The following HIVEP3 variants were observed in gnomAD, a reference collection of about 807,000 sequenced individuals.
HIVEP3 encodes transcription factor HIVEP3.
In HIVEP3, 49 loss-of-function variants were observed where a neutral mutation model predicts 152.8. The ratio of observed to expected loss-of-function variants is 0.32; its 90% CI spans 0.26 to 0.41. The LOEUF (loss-of-function observed/expected upper bound fraction) is 0.41. Among genes scored for constraint, HIVEP3 ranks in the 10% least tolerant of loss-of-function variants. HIVEP3 has a pLI of 1.00. For synonymous variants in HIVEP3, 1,269 were observed against 1,289.0 expected (o/e 0.98, Z 0.33); for missense variants, 2,790 against 3,103.3 (o/e 0.90, Z 2.40).
rs150451296 is a variant in HIVEP3 at position 41,788,879 on chromosome 1, C to A, written c.-800-87884G>T. On this transcript the variant is annotated intron_variant, in intron 1 of 8. Transcript: ENST00000372583. ...CAACTTGCTTGGTAGCTGAGCCCAG[C>A]TTTCTTCCCTCTGAGGCCAAATCCT... Among the ~76,000 whole-genome samples the A allele has an allele frequency of 2.4e-3, 365 of 152,356 alleles. 3 individuals are homozygous for A. Among genetic ancestry groups the A allele is most frequent in the East Asian group, 0.021 (107 of 5,184 alleles).
At chr1:41,979,946 G>T (rs548452574) in intron 1 of HIVEP3, among the ~76,000 whole-genome samples, 1 of 152,200 alleles carries the variant, frequency 6.6e-6, no homozygotes. Context: ...ACTTGCATTT[G>T]GGGAGCAGAA....
chr1:42,028,027 T>G (rs1162273675), intron 1 of HIVEP3, among the ~76,000 whole-genome samples: 1 of 152,198 alleles, frequency 6.6e-6, no homozygotes, highest in Non-Finnish European at 1.5e-5. Context: ...GCTTACTTTT[T>G]CACTTAATTT....
chr1:41,699,080 C>T (rs1028979728), intron 2 of HIVEP3, among the ~76,000 whole-genome samples: 2 of 152,226 alleles, frequency 1.3e-5, no homozygotes, highest in African/African-American at 4.8e-5. Context: ...TCACAGGTGG[C>T]TCTAGGCCAG....
Position 41,602,183 on chromosome 1 carries a change from A to T in HIVEP3, c.-521-16865T>A, listed in dbSNP as rs937509746. Among the ~76,000 whole-genome samples the T allele has an allele frequency of 2.0e-5, 3 of 151,234 alleles. No homozygotes were observed. In the East Asian group the frequency reaches 5.8e-4, roughly 29 times the overall value. On this transcript the variant is annotated intron_variant, in intron 3 of 8. Transcript: ENST00000372583. ...AGGATTTTTGCATCTATATTCATTA[A>T]GAATATTAGCCTGTAGTTTTCTTTT...
intron 1 of HIVEP3, among the ~76,000 whole-genome samples, chr1:41,734,196 A>G (rs898321663): frequency 6.6e-6 from 1 of 152,080 alleles, no homozygotes; most frequent in Non-Finnish European, 1.5e-5. Flanking sequence ...TGCTGCACTG[A>G]GTGGATGGTG....
intron 1 of HIVEP3, among the ~76,000 whole-genome samples, chr1:41,757,313 T>G (rs1384142771): frequency 6.6e-6 from 1 of 151,806 alleles, no homozygotes; most frequent in East Asian, 1.9e-4. Context: ...GAGACGGAGT[T>G]TCACCATGTT....
At chr1:41,826,229 A>G (rs1417392023) in intron 1 of HIVEP3, among the ~76,000 whole-genome samples, 1 of 152,172 alleles carries the variant, frequency 6.6e-6, no homozygotes, top group Non-Finnish European at 1.5e-5. Flanking sequence ...TCTCTTGTAT[A>G]TAGGTCACTG....
At chr1:41,896,817 G>A (rs1644536449) in intron 1 of HIVEP3, among the ~76,000 whole-genome samples, 1 of 151,918 alleles carries the variant, frequency 6.6e-6, no homozygotes, top group African/African-American at 2.4e-5. Flanking sequence ...CTCGTGATCT[G>A]CCTTCCTTGG....
At chr1:41,586,331 G>A (rs1359053012) in intron 3 of HIVEP3, among the ~76,000 whole-genome samples, 1 of 152,128 alleles carries the variant, frequency 6.6e-6, no homozygotes, top group African/African-American at 2.4e-5. Context: ...GAGTCACCAT[G>A]GACTCCATCT....
intron 1 of HIVEP3, among the ~76,000 whole-genome samples, chr1:41,706,129 C>T (rs1388696500): frequency 6.6e-6 from 1 of 152,162 alleles, no homozygotes; most frequent in Admixed American, 6.5e-5. Flanking sequence ...TTTTGTGATG[C>T]TGAGGTTTGG....
chr1:41,866,071 A>G (rs1374312638), intron 1 of HIVEP3, among the ~76,000 whole-genome samples: 2 of 152,210 alleles, frequency 1.3e-5, no homozygotes, highest in Non-Finnish European at 2.9e-5. Context: ...GAGACGGATA[A>G]CTATCCAGCC....
At chr1:41,858,338 T>C (rs935180045) in intron 1 of HIVEP3, among the ~76,000 whole-genome samples, 1 of 152,194 alleles carries the variant, frequency 6.6e-6, no homozygotes, top group African/African-American at 2.4e-5. Flanking sequence ...TACCTGCCTA[T>C]GTGCACATTT....
At chr1:41,781,568 T>C (rs912654618) in intron 1 of HIVEP3, among the ~76,000 whole-genome samples, 1 of 152,204 alleles carries the variant, frequency 6.6e-6, no homozygotes, top group African/African-American at 2.4e-5. Flanking sequence ...AGCTGGAGTC[T>C]TTCTCACTTG....
At chr1:41,783,601 T>TCA (rs985177550) in intron 1 of HIVEP3, among the ~76,000 whole-genome samples, 1 of 151,950 alleles carries the variant, frequency 6.6e-6, no homozygotes, top group Non-Finnish European at 1.5e-5. Context: ...CTGTGCTCCT[T>TCA]CACACACACA....
At chr1:41,530,492 C>T (rs1201990317) in intron 5 of HIVEP3, among the ~76,000 whole-genome samples, 1 of 152,224 alleles carries the variant, frequency 6.6e-6, no homozygotes, top group Non-Finnish European at 1.5e-5. Flanking sequence ...ATGGGGCCCC[C>T]TTTCCCAGCT....
At chr1:41,736,297 G>A (rs1025646629) in intron 1 of HIVEP3, among the ~76,000 whole-genome samples, 2 of 152,156 alleles carry the variant, frequency 1.3e-5, no homozygotes, top group African/African-American at 4.8e-5. Flanking sequence ...TCTCCCTCCT[G>A]CAGAGCCTTG....
At chr1:41,545,721 AATACCAC>A (rs1643781048) in intron 5 of HIVEP3, among the ~76,000 whole-genome samples, 4 of 30,802 alleles carry the variant, frequency 1.3e-4, no homozygotes, top group Non-Finnish European at 2.4e-4. Flanking sequence ...CACCACCACC[AATACCAC>A]TACCATCACC....
chr1:41,690,200 A>C (rs1646175688), intron 2 of HIVEP3, among the ~76,000 whole-genome samples: 1 of 152,226 alleles, frequency 6.6e-6, no homozygotes, highest in Admixed American at 6.5e-5. Flanking sequence ...AAGTTCCAAA[A>C]CAGAGAGGAA....
At chr1:41,669,939 G>C (rs1645849247) in intron 2 of HIVEP3, among the ~76,000 whole-genome samples, 2 of 152,130 alleles carry the variant, frequency 1.3e-5, no homozygotes, top group African/African-American at 4.8e-5. Context: ...ACTTCCCTCA[G>C]ATACCAGGAG....
Sources: allele counts gnomAD v4.1 joint callset (sites outside exome capture counted in the v4.1 genomes callset), GRCh38; gene constraint gnomAD v4.1.1; transcripts MANE v1.5; gene names NCBI Gene and HGNC (gene_info 2026-07-23, HGNC 2026-07-21).